Variants in LHFPL6 observed in about 807,000 individuals in gnomAD.
The protein encoded by LHFPL6 is LHFPL tetraspan subfamily member 6, also known as LHFPL tetraspan subfamily member 6 protein.
Under a neutral mutation model 20.6 loss-of-function variants are expected in LHFPL6, and 9 were observed. The observed-to-expected ratio is 0.44, with a 90% confidence interval of 0.26 to 0.76. The LOEUF (loss-of-function observed/expected upper bound fraction) is 0.76, where lower values mean the gene tolerates loss of function less well. Ranked by LOEUF, LHFPL6 falls within the 30% of genes least tolerant of loss-of-function variation. LHFPL6 has a pLI of 0.20. For synonymous variants in LHFPL6, 105 were observed against 98.7 expected (o/e 1.06, Z -0.38); for missense variants, 218 against 253.5 (o/e 0.86, Z 0.95).
Position 39,479,118 on chromosome 13 carries a change from C to CATCCATCTATCTATCT in LHFPL6, c.386-100593_386-100592insAGATAGATAGATGGAT, listed in dbSNP as rs557210931. On this transcript the variant is annotated intron_variant, in intron 2 of 3. Coordinates refer to ENST00000379589, the MANE Select transcript of LHFPL6 (RefSeq NM_005780.3). Reference sequence around the variant, plus strand: ...GTTGATCTCTACCTATCTATCCATCCATCTATCTATCTATCTATCTATCTA... The same window carrying CATCCATCTATCTATCT: ...GTTGATCTCTACCTATCTATCCATCCATCCATCTATCTATCTATCTATCTATCTATCTATCTATCTA... 2.5e-5 allele frequency among the ~76,000 whole-genome samples: 3 copies of CATCCATCTATCTATCT among 121,642 alleles called. No homozygotes were observed. In the South Asian group the frequency reaches 7.6e-4, roughly 31 times the overall value. The allele number at this position is 121,642 out of a possible 152,430, so 79.8% of individuals were successfully genotyped here. A position where few individuals can be genotyped will look rare whatever the true frequency, so the allele number is the denominator to read the frequency against.
At chr13:39,352,500 T>C (rs1869594672) in intron 3 of LHFPL6, among the ~76,000 whole-genome samples, 1 of 152,128 alleles carries the variant, frequency 6.6e-6, no homozygotes, top group African/African-American at 2.4e-5. Flanking sequence ...TGCATGCCAT[T>C]TATCACAAAA....
Position 39,358,880 on chromosome 13 carries a change from G to C in LHFPL6, c.485-14826C>G, listed in dbSNP as rs117808281. 4.9e-3 allele frequency among the ~76,000 whole-genome samples: 741 copies of C among 152,212 alleles called. 22 individuals are homozygous for C. The East Asian group carries it at 0.089, about 18-fold the overall frequency. ...CAGTCAGAATGACTTTTGTTAAAAA[G>C]TGAAAAAATAGACTGGGTGTGGTGG... On this transcript the variant is annotated intron_variant, in intron 3 of 3. Transcript: ENST00000379589.
intron 2 of LHFPL6, among the ~76,000 whole-genome samples, chr13:39,484,686 G>A (rs9576816): frequency 0.22 from 33,937 of 152,136 alleles, 5,863 homozygotes; most frequent in East Asian, 0.73. Flanking sequence ...AGAATTTTAA[G>A]TACTTGGTGG....
intron 3 of LHFPL6, among the ~76,000 whole-genome samples, chr13:39,365,808 A>G (rs1869995671): frequency 6.6e-6 from 1 of 152,240 alleles, no homozygotes; most frequent in Admixed American, 6.5e-5. Flanking sequence ...TTTGGCAACA[A>G]AAAACCAGAA....
chr13:39,595,967 T>A (rs1227635472), intron 2 of LHFPL6, among the ~76,000 whole-genome samples: 3 of 152,142 alleles, frequency 2.0e-5, no homozygotes, highest in Admixed American at 2.0e-4. Flanking sequence ...TATAGTACGG[T>A]CTTCCTATCT....
intron 2 of LHFPL6, among the ~76,000 whole-genome samples, chr13:39,591,396 G>A (rs1177522549): frequency 6.6e-6 from 1 of 152,104 alleles, no homozygotes; most frequent in African/African-American, 2.4e-5. Flanking sequence ...TTTTATGAGT[G>A]TATATACAAG....
At chr13:39,590,095 C>A (rs532616196) in intron 2 of LHFPL6, among the ~76,000 whole-genome samples, 39 of 152,118 alleles carry the variant, frequency 2.6e-4, no homozygotes, top group African/African-American at 9.2e-4. Context: ...TGATAGTATT[C>A]ATAGCCTAAT....
chr13:39,472,706 T>C (rs901487864), intron 2 of LHFPL6, among the ~76,000 whole-genome samples: 7 of 152,036 alleles, frequency 4.6e-5, no homozygotes, highest in Admixed American at 1.3e-4. Flanking sequence ...CCTCCTGGGT[T>C]CAAGTGATTT....
At chr13:39,481,824 T>C (rs902631242) in intron 2 of LHFPL6, among the ~76,000 whole-genome samples, 4 of 152,150 alleles carry the variant, frequency 2.6e-5, no homozygotes, top group African/African-American at 9.7e-5. Context: ...TGTGATATCA[T>C]CTGAGTACTT....
At chr13:39,477,355 T>C (rs1054849986) in intron 2 of LHFPL6, among the ~76,000 whole-genome samples, 1 of 152,212 alleles carries the variant, frequency 6.6e-6, no homozygotes, top group East Asian at 1.9e-4. Context: ...GTAAGTTTCT[T>C]GGGAGCAGGT....
intron 2 of LHFPL6, among the ~76,000 whole-genome samples, chr13:39,575,046 C>T (rs1261926184): frequency 2.0e-5 from 3 of 151,634 alleles, no homozygotes; most frequent in Non-Finnish European, 2.9e-5. Flanking sequence ...ACTTTGGCCT[C>T]GCGACAGAGC....
At chr13:39,411,828 T>C (rs766294133) in intron 2 of LHFPL6, among the ~76,000 whole-genome samples, 1 of 152,248 alleles carries the variant, frequency 6.6e-6, no homozygotes, top group Non-Finnish European at 1.5e-5. Context: ...CTGAGGCACA[T>C]ACTTAAACTG....
At chr13:39,508,228 T>C (rs1256348525) in intron 2 of LHFPL6, among the ~76,000 whole-genome samples, 1 of 152,132 alleles carries the variant, frequency 6.6e-6, no homozygotes, top group Non-Finnish European at 1.5e-5. Flanking sequence ...TTTCACCATG[T>C]TGGCCAGGCT....
chr13:39,459,652 C>A (rs1314885237), intron 2 of LHFPL6, among the ~76,000 whole-genome samples: 1 of 152,186 alleles, frequency 6.6e-6, no homozygotes, highest in African/African-American at 2.4e-5. Context: ...CTTGGTTATA[C>A]ACTCTTATTT....
intron 2 of LHFPL6, among the ~76,000 whole-genome samples, chr13:39,463,239 C>T (rs1021298262): frequency 1.3e-5 from 2 of 152,140 alleles, no homozygotes; most frequent in African/African-American, 4.8e-5. Flanking sequence ...ATTATTTCAA[C>T]CCTGTATGAC....
chr13:39,476,319 C>T lies in LHFPL6; in HGVS notation c.386-97793G>A, dbSNP rs1318874141. On this transcript the variant is annotated intron_variant, in intron 2 of 3. Coordinates refer to ENST00000379589, the MANE Select transcript of LHFPL6 (RefSeq NM_005780.3). ...CGCTGGGATTACAGGCATGAGCAAC[C>T]GCGCCCAGCCTGAAAACATCTATTT... 7.2e-5 allele frequency among the ~76,000 whole-genome samples: 11 copies of T among 152,254 alleles called. No individual in the cohort carries two copies. The East Asian group carries it at 7.7e-4, about 11-fold the overall frequency.
At chr13:39,586,171 G>GTATA (rs57237715) in intron 2 of LHFPL6, among the ~76,000 whole-genome samples, 1 of 150,966 alleles carries the variant, frequency 6.6e-6, no homozygotes, top group African/African-American at 2.4e-5. Flanking sequence ...ATTATTGTGT[G>GTATA]TATATATATA....
intron 2 of LHFPL6, among the ~76,000 whole-genome samples, chr13:39,548,088 G>A (rs1871036065): frequency 6.6e-6 from 1 of 152,010 alleles, no homozygotes; most frequent in Non-Finnish European, 1.5e-5. Context: ...AAGACTAGGA[G>A]ATGTTCACAA....
chr13:39,489,056 C>T (rs781035555), intron 2 of LHFPL6, among the ~76,000 whole-genome samples: 6 of 152,184 alleles, frequency 3.9e-5, no homozygotes, highest in Admixed American at 6.5e-5. Flanking sequence ...CATTTAAGGA[C>T]TCCCATCTCT....
Sources: gnomAD v4.1 joint callset for allele counts (sites outside exome capture counted in the v4.1 genomes callset) on GRCh38, gnomAD v4.1.1 for gene constraint, MANE v1.5 for transcripts, NCBI Gene and HGNC (gene_info 2026-07-23, HGNC 2026-07-21) for gene names.